MLPH: variants seen among roughly 807,000 people sequenced by gnomAD.
MLPH encodes exophilin-3.
MLPH carries 51 observed loss-of-function variants against 72.1 expected under a neutral mutation model. That is an observed-to-expected ratio of 0.71 (90% CI 0.56 to 0.89). The LOEUF (loss-of-function observed/expected upper bound fraction) is 0.89. Ranked by LOEUF, MLPH falls within the 40% of genes least tolerant of loss-of-function variation. MLPH has a pLI of 0.00. For synonymous variants in MLPH, 301 were observed against 310.1 expected (o/e 0.97, Z 0.31); for missense variants, 743 against 759.9 (o/e 0.98, Z 0.26).
intron 9 of MLPH, among the ~76,000 whole-genome samples, chr2:237,535,880 T>C (rs1325985322): frequency 6.6e-6 from 1 of 152,016 alleles, no homozygotes; most frequent in African/African-American, 2.4e-5. Flanking sequence ...ACTCCATGAG[T>C]AGGGGTAATG....
chr2:237,547,733 G>A (rs908951610), intron 13 of MLPH, among the ~76,000 whole-genome samples: 1 of 138,668 alleles, frequency 7.2e-6, no homozygotes, highest in Admixed American at 7.1e-5. Context: ...TTAGGAGTAG[G>A]AGCAGTGCAC....
At chr2:237,535,050 A>G (rs1360120803) in intron 9 of MLPH, among the ~76,000 whole-genome samples, 1 of 152,204 alleles carries the variant, frequency 6.6e-6, no homozygotes, top group East Asian at 1.9e-4. Context: ...AGTCTGCTAT[A>G]TGCTGCTATA....
At chr2:237,504,552 G>A (rs2079723226) in intron 2 of MLPH, among the ~76,000 whole-genome samples, 1 of 152,224 alleles carries the variant, frequency 6.6e-6, no homozygotes, top group South Asian at 2.1e-4. Context: ...GGAGTTGGTG[G>A]AGCTCTGAAA....
intron 10 of MLPH, 130 bp downstream of exon 10, chr2:237,540,663 G>T: frequency 6.7e-7 from 1 of 1,493,766 alleles, no homozygotes; most frequent in Non-Finnish European, 9.1e-7. Flanking sequence ...CCTTGATGGG[G>T]TCTGCAGCGG....
At chr2:237,521,889 C>G (rs111495606) in intron 6 of MLPH, among the ~76,000 whole-genome samples, 15 of 107,818 alleles carry the variant, frequency 1.4e-4, no homozygotes, top group South Asian at 3.3e-4. Context: ...TGAGACTGGG[C>G]TTGGACCTTC....
chr2:237,501,663 CTAAAAAAAAAAAAAAA>C (rs1182436916), intron 2 of MLPH, among the ~76,000 whole-genome samples: 2,826 of 101,678 alleles, frequency 0.028, 107 homozygotes, highest in African/African-American at 0.092. Context: ...CACGTCTCTA[CTAAAAAAAAAAAAAAA>C]AAAAAAAAAA....
intron 14 of MLPH, 84 bp from the exon 15 acceptor site, chr2:237,552,253 T>C: frequency 8.9e-7 from 1 of 1,128,370 alleles, no homozygotes; most frequent in Non-Finnish European, 1.3e-6. Flanking sequence ...TTCTACCTTT[T>C]AAATTTCTGA....
At chr2:237,504,476 C>G (rs57331611) in intron 2 of MLPH, among the ~76,000 whole-genome samples, 3,127 of 152,266 alleles carry the variant, frequency 0.021, 61 homozygotes, top group African/African-American at 0.055. Flanking sequence ...CCTTGGCCTC[C>G]CAAAGTGCTG....
intron 13 of MLPH, among the ~76,000 whole-genome samples, 200 bp downstream of exon 13, chr2:237,546,883 T>C (rs887412512): frequency 6.6e-6 from 1 of 152,116 alleles, no homozygotes; most frequent in Non-Finnish European, 1.5e-5. Context: ...CTGAGCTGGA[T>C]TTGTGTAGAT....
rs758707771 is a variant in MLPH, at chr2:237,493,398, T to G, written c.-24-5T>G. 2 of 1,571,254 alleles carry G rather than the reference T, an allele frequency of 1.3e-6. No individual in the cohort carries two copies. The highest frequency in any genetic ancestry group is 2.7e-5 in the African/African-American group (2 of 73,980). ...CTGATGACTTGTGATCCTGTGACAT[T>G]CCAGGTGTGACCCCGACAAGAAGCA... On this transcript the variant is annotated splice_polypyrimidine_tract_variant and splice_region_variant and intron_variant, in intron 1 of 15. Transcript: ENST00000264605.
In MLPH at chr2:237,533,315, T is replaced by C. The variant is rs1201077984; in HGVS notation, c.1021-1249T>C. 4.6e-5 allele frequency among the ~76,000 whole-genome samples: 7 copies of C among 151,970 alleles called. No individual in the cohort carries two copies. The South Asian group carries it at 1.2e-3, about 27-fold the overall frequency. On this transcript the variant is annotated intron_variant, in intron 8 of 15. Transcript: ENST00000264605. ...TTTTTAGCCATTTTAAAGATTTATA[T>C]GTATTTGGAAAAAGCAGAGAAAGAA...
At position 237,510,645 on chromosome 2, in the gene MLPH, A is replaced by T. The variant is rs777595009; in HGVS notation, c.182A>T (p.Glu61Val). ...CTTTCCGACACTGCCCATCTGAACG[A>T]GACCCACTGCGCCCGCTGCCTGCAG... Reference protein sequence around the residue: ...ELLSDTAHLNETHCARCLQPY... With the variant: ...ELLSDTAHLNVTHCARCLQPY... The change falls in exon 3 of 16, where the codon GAG becomes GTG. Residue 61 changes from glutamate (E) to valine (V), a missense_variant. Transcript: ENST00000264605. This position sits in a 1 kb window ranked among gnomAD's most constrained non-coding sequence, Gnocchi z 4.4. 1 of 1,613,770 alleles carries T rather than the reference A, an allele frequency of 6.2e-7. No homozygotes were observed. Among genetic ancestry groups the T allele is most frequent in the East Asian group, 2.2e-5 (1 of 44,882 alleles).
At position 237,527,368 on chromosome 2, in the gene MLPH, G is replaced by T; in HGVS notation, c.881-9G>T. 1.9e-6 allele frequency: 3 copies of T among 1,614,068 alleles called. No individual in the cohort carries two copies. Among genetic ancestry groups the T allele is most frequent in the Non-Finnish European group, 2.5e-6 (3 of 1,180,014 alleles). On this transcript the variant is annotated splice_polypyrimidine_tract_variant and intron_variant, in intron 7 of 15. Coordinates refer to ENST00000264605, the MANE Select transcript of MLPH (RefSeq NM_024101.7). ...CTGCAAGTAATTCAAACCCACTCTC[G>T]CTCTGAAGGGTCGAATGTCATCAGG...
chr2:237,546,925 G>A (rs1323843897), intron 13 of MLPH, among the ~76,000 whole-genome samples: 1 of 152,224 alleles, frequency 6.6e-6, no homozygotes, highest in Non-Finnish European at 1.5e-5. Flanking sequence ...AAGCCCAGTA[G>A]GGGAGCGGGA....
chr2:237,504,881 G>A (rs967910826), intron 2 of MLPH, among the ~76,000 whole-genome samples: 15 of 152,168 alleles, frequency 9.9e-5, no homozygotes, highest in South Asian at 6.2e-4. Context: ...CAACCAAGCC[G>A]TGCAAAGGAA....
Position 237,512,823 on chromosome 2 carries a change from T to C in MLPH, c.445+1722T>C, listed in dbSNP as rs570903027. ...CTGGGGTGGGCTCAGGAAGCTGTAT[T>C]ATTTCAAAGGACGCAGTGTTTCCAC... On this transcript the variant is annotated intron_variant, in intron 4 of 15. Transcript: ENST00000264605. This position sits in a 1 kb window ranked among gnomAD's most constrained non-coding sequence, Gnocchi z 5.5. Among the ~76,000 whole-genome samples the C allele has an allele frequency of 1.6e-4, 25 of 152,258 alleles. No homozygotes were observed. The East Asian group carries it at 4.6e-3, about 28-fold the overall frequency.
At chr2:237,509,859 C>A (rs2106288829) in intron 2 of MLPH, among the ~76,000 whole-genome samples, 1 of 152,180 alleles carries the variant, frequency 6.6e-6, no homozygotes, top group Non-Finnish European at 1.5e-5. Context: ...AAGACAATGG[C>A]ACCTAGTGTC....
rs372800913 is a variant in MLPH at position 237,512,375 on chromosome 2, G to A, written c.445+1274G>A. Among the ~76,000 whole-genome samples, 2 of 152,182 alleles carry A rather than the reference G, an allele frequency of 1.3e-5. No homozygotes were observed. Among genetic ancestry groups the A allele is most frequent in the African/African-American group, 2.4e-5 (1 of 41,446 alleles). On this transcript the variant is annotated intron_variant, in intron 4 of 15. Transcript: ENST00000264605. The surrounding 1 kb of genome is among the most constrained non-coding windows in gnomAD (Gnocchi z 5.5). The stretch of plus-strand genomic sequence containing the variant: ...AGGACAGAGGCCACGGAGAGGCACC[G>A]CTGGAGCAGTACACCGCACACCACA...
rs114383668 is a variant in MLPH at position 237,541,903 on chromosome 2, G to T, written c.1447-664G>T. 6.6e-6 allele frequency among the ~76,000 whole-genome samples: 1 copy of T among 152,258 alleles called. No individual in the cohort carries two copies. Among genetic ancestry groups the T allele is most frequent in the East Asian group, 1.9e-4 (1 of 5,192 alleles). ...GGCAGTCAGGAGGGATACTAGGAAA[G>T]TAAGCCAGCCTGGCAAATCCAGGGG... On this transcript the variant is annotated intron_variant, in intron 11 of 15. Coordinates refer to ENST00000264605, the MANE Select transcript of MLPH (RefSeq NM_024101.7). The surrounding 1 kb of genome is among the most constrained non-coding windows in gnomAD (Gnocchi z 5.1).
Sources: gnomAD v4.1 joint callset for allele counts (sites outside exome capture counted in the v4.1 genomes callset) on GRCh38, gnomAD v4.1.1 for gene constraint, Gnocchi (gnomAD v3.1) non-coding constraint, MANE v1.5 for transcripts, NCBI Gene and HGNC (gene_info 2026-07-23, HGNC 2026-07-21) for gene names.